The following MAK16 variants were observed in gnomAD, a reference collection of about 807,000 sequenced individuals.
The protein encoded by MAK16 is protein MAK16 homolog.
Under a neutral mutation model 49.9 loss-of-function variants are expected in MAK16, and 12 were observed. That is an observed-to-expected ratio of 0.24 (90% CI 0.15 to 0.39). The LOEUF is 0.39. Among genes scored for constraint, MAK16 ranks in the 10% least tolerant of loss-of-function variants. MAK16 has a pLI of 1.00. For missense variants in MAK16, 292 were observed against 363.7 expected (o/e 0.80, Z 1.60); for synonymous variants, 115 against 126.4 (o/e 0.91, Z 0.60).
chr8:33,500,564 T>C lies in MAK16; in HGVS notation c.*1935T>C. On this transcript the variant is annotated 3_prime_UTR_variant, in exon 10 of 10. Transcript: ENST00000360128. ...AAATTGGAAGAGACTTCAAAGACTG[T>C]CAAGTGGAAAGCTATCATTTCCTAA... The C allele has an allele frequency of 2.6e-6, 4 of 1,559,502 alleles. No individual in the cohort carries two copies. The highest frequency in any genetic ancestry group is 2.6e-6 in the Non-Finnish European group (3 of 1,142,154).
chr8:33,490,778 G>T (rs557034350), intron 6 of MAK16, among the ~76,000 whole-genome samples: 59 of 152,248 alleles, frequency 3.9e-4, no homozygotes, highest in African/African-American at 1.4e-3. Flanking sequence ...TTTATCCTTT[G>T]TGTTACAAAC....
intron 1 of MAK16, among the ~76,000 whole-genome samples, chr8:33,486,544 T>C (rs1226053639): frequency 6.6e-6 from 1 of 152,238 alleles, no homozygotes; most frequent in African/African-American, 2.4e-5. Flanking sequence ...AGAGAGACCC[T>C]ATCTCTAAAG....
chr8:33,498,050 C>T lies in MAK16; in HGVS notation c.706-382C>T, dbSNP rs533497160. Among the ~76,000 whole-genome samples the T allele has an allele frequency of 9.3e-4, 140 of 150,194 alleles. 1 individual carries two copies. Among genetic ancestry groups the T allele is most frequent in the African/African-American group, 3.0e-3 (122 of 40,842 alleles). On this transcript the variant is annotated intron_variant, in intron 9 of 9. Coordinates refer to ENST00000360128, the MANE Select transcript of MAK16 (RefSeq NM_032509.4). ...GATGGAGGTTGCAGTGAGCTGAGAG[C>T]GCACCACTACACTCCAGCCTGGGCA... is the stretch of plus-strand genomic sequence containing the variant.
At chr8:33,493,685 G>T (rs1036460690) in intron 6 of MAK16, among the ~76,000 whole-genome samples, 3 of 152,034 alleles carry the variant, frequency 2.0e-5, no homozygotes, top group African/African-American at 7.2e-5. Context: ...TTCATCTCCA[G>T]TTGTCAAACA....
Position 33,498,365 on chromosome 8 carries a change from C to CA in MAK16, c.706-65dup. On this transcript the variant is annotated intron_variant, in intron 9 of 9. Transcript: ENST00000360128. Reference sequence around the variant, plus strand: ...CCTAGTCTGTTCTAGATTGAGGGGACAAGGAAGGGAGTTTGGAGAAATCTA... The same window carrying CA: ...CCTAGTCTGTTCTAGATTGAGGGGACAAAGGAAGGGAGTTTGGAGAAATCTA... 3 of 1,391,450 alleles carry CA rather than the reference C, an allele frequency of 2.2e-6. No homozygotes were observed. In the South Asian group the frequency reaches 3.8e-5, roughly 17 times the overall value. The allele number at this position is 1,391,450 out of a possible 1,614,324, so 86.2% of individuals were successfully genotyped here.
chr8:33,487,494 C>T (rs952049528), intron 1 of MAK16, among the ~76,000 whole-genome samples: 1 of 151,048 alleles, frequency 6.6e-6, no homozygotes, highest in Admixed American at 6.6e-5. Context: ...GGCGTGATCT[C>T]GGCTTACCGC....
rs980631795 is a variant in MAK16 at position 33,489,007 on chromosome 8, A to G, written c.260A>G (p.Tyr87Cys). The G allele has an allele frequency of 1.2e-6, 2 of 1,614,180 alleles. No individual in the cohort carries two copies. Among genetic ancestry groups the G allele is most frequent in the East Asian group, 4.5e-5 (2 of 44,890 alleles). Residue 87 changes from tyrosine to cysteine, a missense_variant, in exon 5 of 10, where the codon TAT (tyrosine) becomes TGT (cysteine). Transcript: ENST00000360128. The surrounding 1 kb of genome is among the most constrained non-coding windows in gnomAD (Gnocchi z 4.2). ...LWERVRLSKN[Y>C]EKALEQIDEN... The stretch of plus-strand genomic sequence containing the variant: ...TGGTAGGTCCGGCTTAGTAAAAACT[A>G]TGAGAAAGCACTGGAGCAAATAGAT...
chr8:33,497,262 G>A lies in MAK16; in HGVS notation c.670G>A (p.Gly224Ser), dbSNP rs141490957. 4.0e-5 allele frequency: 65 copies of A among 1,611,558 alleles called. No individual in the cohort carries two copies. Among genetic ancestry groups the A allele is most frequent in the Non-Finnish European group, 5.1e-5 (60 of 1,178,794 alleles). Reference protein sequence around the residue: ...DVGKREFVEDGEVDESDISDF... With the variant: ...DVGKREFVEDSEVDESDISDF... ...GGGGAAAAGAGAATTTGTCGAAGAT[G>A]GTGAGGTAGATGAGAGTGACATAAG... The change falls in exon 9 of 10, where the codon GGT (glycine) becomes AGT (serine). Residue 224 changes from glycine (G) to serine (S), a missense_variant. Transcript: ENST00000360128.
At position 33,494,811 on chromosome 8, in the gene MAK16, C is replaced by T. The variant is rs182595640; in HGVS notation, c.448-731C>T. On this transcript the variant is annotated intron_variant, in intron 6 of 9. Coordinates refer to ENST00000360128, the MANE Select transcript of MAK16 (RefSeq NM_032509.4). The stretch of plus-strand genomic sequence containing the variant: ...TTTTTTTTTTTAAGATGGAGTCTTG[C>T]TCTGTTGCCCAGGCTGGAGTGCAGT... Among the ~76,000 whole-genome samples the T allele has an allele frequency of 5.9e-5, 9 of 151,750 alleles. No individual in the cohort carries two copies. The East Asian group carries it at 1.7e-3, about 29-fold the overall frequency.
In MAK16 at chr8:33,492,530, T is replaced by C. The variant is rs2128824094; in HGVS notation, c.447+2191T>C. Among the ~76,000 whole-genome samples, 2 of 152,320 alleles carry C rather than the reference T, an allele frequency of 1.3e-5. 1 individual carries two copies. Among genetic ancestry groups the C allele is most frequent in the South Asian group, 4.1e-4 (2 of 4,822 alleles). On this transcript the variant is annotated intron_variant, in intron 6 of 9. Transcript: ENST00000360128. ...CAGTGTTTTCTTGTAGTTTTGTAGT[T>C]GGAGGTCTTAGTTTTTTAATCCATT...
chr8:33,488,685 T>C (rs746283753), intron 3 of MAK16, 49 bp from the exon 4 acceptor site: 1 of 1,611,278 alleles, frequency 6.2e-7, no homozygotes, highest in South Asian at 1.1e-5. Flanking sequence ...TACAGGGATG[T>C]TCTTTAGTTT....
chr8:33,496,607 T>C lies in MAK16; in HGVS notation c.523-18T>C, dbSNP rs1460408280. 1.3e-6 allele frequency: 2 copies of C among 1,586,728 alleles called. No homozygotes were observed. Among genetic ancestry groups the C allele is most frequent in the Non-Finnish European group, 1.7e-6 (2 of 1,159,456 alleles). On this transcript the variant is annotated intron_variant, in intron 7 of 9. Coordinates refer to ENST00000360128, the MANE Select transcript of MAK16 (RefSeq NM_032509.4). ...TATCCAAATGTAGTTAAAGCCAATC[T>C]GTGTTTATGTTCTTCAGTATGGCGA...
In MAK16 at chr8:33,498,642, C is replaced by G; in HGVS notation, c.*13C>G. The G allele has an allele frequency of 6.3e-7, 1 of 1,588,500 alleles. No individual in the cohort carries two copies. Among genetic ancestry groups the G allele is most frequent in the Non-Finnish European group, 8.6e-7 (1 of 1,158,820 alleles). ...CAAAACCACGTGATTTCCCTTTCAG[C>G]ATTTATACCCAGGACTGAACATGCA... is the stretch of plus-strand genomic sequence containing the variant. On this transcript the variant is annotated 3_prime_UTR_variant, in exon 10 of 10. Transcript: ENST00000360128.
At chr8:33,490,849 C>T (rs962696463) in intron 6 of MAK16, among the ~76,000 whole-genome samples, 6 of 152,208 alleles carry the variant, frequency 3.9e-5, no homozygotes, top group Admixed American at 6.5e-5. Flanking sequence ...TATAGTCACG[C>T]TGTTGTGCTG....
chr8:33,497,301 A>G lies in MAK16; in HGVS notation c.705+4A>G, dbSNP rs1808880259. ...GAGTGACATAAGTGATTTTGAGGTG[A>G]GCTTTATGGGTAAAAAGATTGTCCT... is the stretch of plus-strand genomic sequence containing the variant. On this transcript the variant is annotated splice_donor_region_variant and intron_variant, in intron 9 of 9. Coordinates refer to ENST00000360128, the MANE Select transcript of MAK16 (RefSeq NM_032509.4). 8 of 1,492,670 alleles carry G rather than the reference A, an allele frequency of 5.4e-6. No homozygotes were observed. The highest frequency in any genetic ancestry group is 1.7e-5 in the Admixed American group (1 of 58,520). 92.5% of individuals were successfully genotyped at this position (1,492,670 alleles called of 1,614,324 possible).
chr8:33,489,059 C>T lies in MAK16; in HGVS notation c.312C>T (p.Phe104=), dbSNP rs1230112952. ...IDENLIYWPR[F]IRHKCKQRFT... ...AAAATCTGATTTACTGGCCCCGTTT[C>T]ATTCGACACAAATGTAAGCAGAGAT... The change falls in exon 5 of 10, where the codon TTC becomes TTT. Residue 104 remains phenylalanine (F), a synonymous_variant. Transcript: ENST00000360128. The surrounding 1 kb of genome is among the most constrained non-coding windows in gnomAD (Gnocchi z 4.2). 1 of 1,614,014 alleles carries T rather than the reference C, an allele frequency of 6.2e-7. No homozygotes were observed. The highest frequency in any genetic ancestry group is 8.5e-7 in the Non-Finnish European group (1 of 1,179,876).
chr8:33,493,093 T>C (rs1410631225), intron 6 of MAK16, among the ~76,000 whole-genome samples: 1 of 152,160 alleles, frequency 6.6e-6, no homozygotes, highest in African/African-American at 2.4e-5. Context: ...ATCTGTATCA[T>C]TGGTCTGCAA....
At chr8:33,497,948 T>C (rs1008725155) in intron 9 of MAK16, among the ~76,000 whole-genome samples, 1 of 151,660 alleles carries the variant, frequency 6.6e-6, no homozygotes, top group Non-Finnish European at 1.5e-5. Flanking sequence ...ATACAAAAAT[T>C]AGCTAGGTAT....
At chr8:33,492,998 T>C (rs1003552070) in intron 6 of MAK16, among the ~76,000 whole-genome samples, 1 of 152,026 alleles carries the variant, frequency 6.6e-6, no homozygotes, top group Non-Finnish European at 1.5e-5. Flanking sequence ...CTTTTTTTTA[T>C]ATTTATATTT....
Sources: gnomAD v4.1 joint callset for allele counts (sites outside exome capture counted in the v4.1 genomes callset) on GRCh38, gnomAD v4.1.1 for gene constraint, Gnocchi (gnomAD v3.1) non-coding constraint, MANE v1.5 for transcripts, NCBI Gene and HGNC (gene_info 2026-07-23, HGNC 2026-07-21) for gene names.